Variants in FANCL observed in about 807,000 individuals in gnomAD.
The protein encoded by FANCL is FA complementation group L.
In FANCL, 69 loss-of-function variants were observed where a neutral mutation model predicts 59.4. The observed-to-expected ratio is 1.16, with a 90% CI of 0.96 to 1.42. The LOEUF (loss-of-function observed/expected upper bound fraction) is 1.42. FANCL is among the 40% of genes most tolerant of loss of function. The pLI is 0.00. For missense variants in FANCL, 519 were observed against 447.2 expected (o/e 1.16, Z -1.45); for synonymous variants, 180 against 147.1 (o/e 1.22, Z -1.62).
chr2:58,164,222 T>G (rs1428635452), intron 8 of FANCL, among the ~76,000 whole-genome samples: 1 of 152,058 alleles, frequency 6.6e-6, no homozygotes, highest in African/African-American at 2.4e-5. Flanking sequence ...GTACATAGTG[T>G]AACTGCTTAA....
chr2:58,173,432 G>A (rs1469224403), intron 7 of FANCL, among the ~76,000 whole-genome samples: 1 of 152,158 alleles, frequency 6.6e-6, no homozygotes, highest in African/African-American at 2.4e-5. Context: ...ACTAACAGCT[G>A]ATCTCTCAGC....
At chr2:58,180,026 T>C (rs115520358) in intron 7 of FANCL, among the ~76,000 whole-genome samples, 36 of 152,208 alleles carry the variant, frequency 2.4e-4, no homozygotes, top group Admixed American at 5.9e-4. Context: ...AATGAGATAC[T>C]ACCACATGCC....
Position 58,159,418 on chromosome 2 carries a change from C to T in FANCL, c.*347G>A. ...TTTGAATGAAGTAAACAGTTTCCCA[C>T]AAAAAATCAGCTATACACAATTCCC... is the stretch of plus-strand genomic sequence containing the variant. On this transcript the variant is annotated 3_prime_UTR_variant, in exon 14 of 14. Transcript: ENST00000233741. 1 of 1,613,496 alleles carries T rather than the reference C, an allele frequency of 6.2e-7. No individual in the cohort carries two copies. Among genetic ancestry groups the T allele is most frequent in the Non-Finnish European group, 8.5e-7 (1 of 1,179,674 alleles).
chr2:58,175,012 G>C (rs1360623481), intron 7 of FANCL, among the ~76,000 whole-genome samples: 1 of 152,032 alleles, frequency 6.6e-6, no homozygotes, highest in Admixed American at 6.6e-5. Context: ...ACACCTCTAT[G>C]CAAATAAACT....
At chr2:58,178,720 A>C (rs1687622141) in intron 7 of FANCL, among the ~76,000 whole-genome samples, 1 of 152,212 alleles carries the variant, frequency 6.6e-6, no homozygotes, top group South Asian at 2.1e-4. Flanking sequence ...CTGTATTGGA[A>C]GTTCTAGCCA....
intron 5 of FANCL, among the ~76,000 whole-genome samples, chr2:58,219,171 AATATATATATATATATATATATAT>A (rs869094167): frequency 5.2e-5 from 1 of 19,262 alleles, no homozygotes. Flanking sequence ...AAAAAAAAAA[AATATATATATATATATATATATAT>A]ATATATATAT....
rs1684667743 is a variant in FANCL at position 58,159,321 on chromosome 2, C to CTAAACTATATATGTATTTTTT, written c.*423_*443dup. 6.5e-7 allele frequency: 1 copy of CTAAACTATATATGTATTTTTT among 1,531,822 alleles called. No homozygotes were observed. Among genetic ancestry groups the CTAAACTATATATGTATTTTTT allele is most frequent in the African/African-American group, 1.4e-5 (1 of 71,788 alleles). 94.9% of individuals were successfully genotyped at this position (1,531,822 alleles called of 1,614,324 possible). ...ACTTGGATAACTCACGTCTAACAAACTAAACTATATATGTATTTTTTCCAT... is the reference window on the plus strand; with the variant it reads ...ACTTGGATAACTCACGTCTAACAAACTAAACTATATATGTATTTTTTTAAACTATATATGTATTTTTTCCAT... On this transcript the variant is annotated 3_prime_UTR_variant, in exon 14 of 14. Coordinates refer to ENST00000233741, the MANE Select transcript of FANCL (RefSeq NM_018062.4).
At chr2:58,191,632 C>T (rs564318944) in intron 7 of FANCL, among the ~76,000 whole-genome samples, 2 of 151,956 alleles carry the variant, frequency 1.3e-5, no homozygotes, top group East Asian at 1.9e-4. Flanking sequence ...AAATAAAATG[C>T]TGTCTTTAAA....
intron 1 of FANCL, among the ~76,000 whole-genome samples, chr2:58,235,952 A>G (rs1386657006): frequency 1.3e-5 from 2 of 150,898 alleles, no homozygotes; most frequent in South Asian, 2.1e-4. Context: ...ACATTGAGGG[A>G]AAAAAAAATG....
intron 5 of FANCL, among the ~76,000 whole-genome samples, chr2:58,219,185 T>C (rs891671147): frequency 2.9e-5 from 3 of 102,172 alleles, no homozygotes; most frequent in Non-Finnish European, 1.8e-5. Context: ...TATATATATA[T>C]ATATATATAT....
Position 58,241,325 on chromosome 2 carries a change from C to T in FANCL, c.-12G>A, listed in dbSNP as rs777951844. 2 of 1,613,486 alleles carry T rather than the reference C, an allele frequency of 1.2e-6. No homozygotes were observed. Among genetic ancestry groups the T allele is most frequent in the Non-Finnish European group, 8.5e-7 (1 of 1,179,790 alleles). ...TCCGTCACCGCCATGGCTCGAAGTC[C>T]GGAGAAACACAGAAAAGCTCTAGAC... On this transcript the variant is annotated 5_prime_UTR_variant, in exon 1 of 14. Coordinates refer to ENST00000233741, the MANE Select transcript of FANCL (RefSeq NM_018062.4).
At chr2:58,218,427 A>G (rs1692063284) in intron 5 of FANCL, among the ~76,000 whole-genome samples, 1 of 152,018 alleles carries the variant, frequency 6.6e-6, no homozygotes, top group African/African-American at 2.4e-5. Flanking sequence ...AAAAAGGCAC[A>G]AAAAACTCAT....
Position 58,204,245 on chromosome 2 carries a change from T to A in FANCL, c.375-19A>T, listed in dbSNP as rs772652083. 3 of 1,584,922 alleles carry A rather than the reference T, an allele frequency of 1.9e-6. No homozygotes were observed. The highest frequency in any genetic ancestry group is 2.6e-6 in the Non-Finnish European group (3 of 1,153,632). On this transcript the variant is annotated intron_variant, in intron 5 of 13. Coordinates refer to ENST00000233741, the MANE Select transcript of FANCL (RefSeq NM_018062.4). ...CACAAGTCTGGTGAGCAGAGGAGAA[T>A]AAAAAATGATCACACCGGGGAGAGC...
chr2:58,221,876 T>G (rs994212546), intron 5 of FANCL, 66 bp downstream of exon 5: 2 of 1,165,148 alleles, frequency 1.7e-6, no homozygotes, highest in African/African-American at 3.1e-5. Context: ...CTGCTAAAAC[T>G]AGAAATACAT....
chr2:58,197,930 TAC>T (rs1337001368), intron 7 of FANCL, among the ~76,000 whole-genome samples: 1 of 152,212 alleles, frequency 6.6e-6, no homozygotes, highest in Admixed American at 6.5e-5. Context: ...CACTGCTTTC[TAC>T]AGAGTTCTTT....
At chr2:58,164,849 A>G (rs947949635) in intron 8 of FANCL, among the ~76,000 whole-genome samples, 60 of 152,164 alleles carry the variant, frequency 3.9e-4, no homozygotes, top group African/African-American at 1.4e-3. Flanking sequence ...TACCAATACT[A>G]TTTGTAGAAC....
chr2:58,218,084 A>T (rs773541356), intron 5 of FANCL, among the ~76,000 whole-genome samples: 2 of 152,148 alleles, frequency 1.3e-5, no homozygotes, highest in African/African-American at 2.4e-5. Flanking sequence ...ATACTAAATA[A>T]GTCAAAAGAA....
intron 1 of FANCL, among the ~76,000 whole-genome samples, chr2:58,236,473 A>AAC (rs1553458510): frequency 1.1e-4 from 17 of 151,554 alleles, no homozygotes; most frequent in Admixed American, 2.0e-4. Flanking sequence ...TTAAAAAAAA[A>AAC]ACACACACAC....
At chr2:58,203,628 C>T (rs1690278519) in intron 6 of FANCL, among the ~76,000 whole-genome samples, 1 of 151,968 alleles carries the variant, frequency 6.6e-6, no homozygotes, top group Non-Finnish European at 1.5e-5. Context: ...AGAGGCATAA[C>T]CTCTGCAAAT....
Sources: gnomAD v4.1 joint callset for allele counts (sites outside exome capture counted in the v4.1 genomes callset) on GRCh38, gnomAD v4.1.1 for gene constraint, MANE v1.5 for transcripts, NCBI Gene and HGNC (gene_info 2026-07-23, HGNC 2026-07-21) for gene names.